GRIP1: variants seen among roughly 807,000 people sequenced by gnomAD.
GRIP1 encodes the protein glutamate receptor-interacting protein 1.
In GRIP1, 45 loss-of-function variants were observed where a neutral mutation model predicts 129.9. The ratio of observed to expected loss-of-function variants is 0.35; its 90% confidence interval spans 0.27 to 0.44. The LOEUF is 0.44. Ranked by LOEUF, GRIP1 falls within the 20% of genes least tolerant of loss-of-function variation. GRIP1 has a pLI of 1.00. For synonymous variants in GRIP1, 530 were observed against 520.8 expected (o/e 1.02, Z -0.24); for missense variants, 1,196 against 1,396.8 (o/e 0.86, Z 2.29).
intron 1 of GRIP1, among the ~76,000 whole-genome samples, chr12:66,859,793 A>T (rs2040079828): frequency 6.6e-6 from 1 of 152,058 alleles, no homozygotes; most frequent in African/African-American, 2.4e-5. Context: ...CAACATCCTG[A>T]TGAACACTAA....
intron 1 of GRIP1, among the ~76,000 whole-genome samples, chr12:66,657,312 G>A (rs771574065): frequency 6.6e-6 from 1 of 152,084 alleles, no homozygotes; most frequent in Admixed American, 6.5e-5. Context: ...CCCATTCGCC[G>A]CCACACCACT....
chr12:66,988,902 C>T (rs902072052), intron 1 of GRIP1, among the ~76,000 whole-genome samples: 2 of 152,156 alleles, frequency 1.3e-5, no homozygotes, highest in African/African-American at 4.8e-5. Context: ...ACATGCAAAA[C>T]TCTTTGAACC....
chr12:66,446,246 A>T (rs1037870220), intron 11 of GRIP1, among the ~76,000 whole-genome samples: 1 of 151,982 alleles, frequency 6.6e-6, no homozygotes, highest in African/African-American at 2.4e-5. Flanking sequence ...TCCAGCAGAC[A>T]TCTCCATCTT....
chr12:66,860,918 C>T (rs1592910105), intron 1 of GRIP1, among the ~76,000 whole-genome samples: 1 of 151,968 alleles, frequency 6.6e-6, no homozygotes, highest in South Asian at 2.1e-4. Context: ...CAACAGAAAG[C>T]AGTTTGTGGA....
At chr12:66,662,676 A>G (rs1377113358) in intron 1 of GRIP1, among the ~76,000 whole-genome samples, 1 of 152,266 alleles carries the variant, frequency 6.6e-6, no homozygotes, top group East Asian at 1.9e-4. Context: ...AAATGTTGAA[A>G]AAGATCTCAT....
chr12:66,392,153 A>G (rs1476471823), intron 19 of GRIP1, among the ~76,000 whole-genome samples, 155 bp downstream of exon 19: 1 of 152,214 alleles, frequency 6.6e-6, no homozygotes, highest in Non-Finnish European at 1.5e-5. Context: ...TGGCCAGCAG[A>G]GTGTAAGTAT....
At position 66,348,219 on chromosome 12, in the gene GRIP1, T is replaced by G. The variant is rs2054062889; in HGVS notation, c.*800A>C. The G allele has an allele frequency of 6.6e-6, 1 of 152,198 alleles. No individual in the cohort carries two copies. Among genetic ancestry groups the G allele is most frequent in the Non-Finnish European group, 1.5e-5 (1 of 68,040 alleles). 9.4% of individuals were successfully genotyped at this position (152,198 alleles called of 1,614,324 possible). A position where few individuals can be genotyped will look rare whatever the true frequency, so the allele number is the denominator to read the frequency against. Reference sequence around the variant, plus strand: ...TAAGATGAACCTCATTTTAATAGACTCTTCATTCTCTGAAGTTCTTAGTCT... The same window carrying G: ...TAAGATGAACCTCATTTTAATAGACGCTTCATTCTCTGAAGTTCTTAGTCT... On this transcript the variant is annotated 3_prime_UTR_variant, in exon 25 of 25. Transcript: ENST00000359742.
At chr12:66,592,597 A>C (rs1183346099) in intron 2 of GRIP1, among the ~76,000 whole-genome samples, 1 of 152,228 alleles carries the variant, frequency 6.6e-6, no homozygotes, top group East Asian at 1.9e-4. Flanking sequence ...AGAGTGACAT[A>C]AGCAAAAAAA....
chr12:66,492,144 C>T (rs1348048148), intron 7 of GRIP1, among the ~76,000 whole-genome samples: 1 of 151,348 alleles, frequency 6.6e-6, no homozygotes, highest in Non-Finnish European at 1.5e-5. Flanking sequence ...GCATCTTGTG[C>T]TACAGTTGGC....
chr12:66,779,509 G>A (rs1043957251), intron 1 of GRIP1, among the ~76,000 whole-genome samples: 4 of 152,186 alleles, frequency 2.6e-5, no homozygotes, highest in Admixed American at 6.5e-5. Context: ...AATGTCACAC[G>A]TTTATTGTAT....
intron 1 of GRIP1, among the ~76,000 whole-genome samples, chr12:66,902,909 T>A (rs530105858): frequency 6.6e-5 from 10 of 152,322 alleles, no homozygotes; most frequent in African/African-American, 2.4e-4. Context: ...GGAAGTGAGG[T>A]ACTAGGGAAA....
intron 1 of GRIP1, among the ~76,000 whole-genome samples, chr12:66,912,692 T>G (rs1008330868): frequency 1.3e-5 from 2 of 152,274 alleles, no homozygotes; most frequent in East Asian, 1.9e-4. Flanking sequence ...AACAATGTTA[T>G]GTATTACATA....
intron 1 of GRIP1, among the ~76,000 whole-genome samples, chr12:66,843,036 T>C (rs191096457): frequency 6.6e-6 from 1 of 152,156 alleles, no homozygotes; most frequent in East Asian, 1.9e-4. Flanking sequence ...TAAACTAAAA[T>C]TGTCAAGAAA....
rs571419017 is a variant in GRIP1, at chr12:66,767,791, T to C, written c.-420+36262A>G. Among the ~76,000 whole-genome samples the C allele has an allele frequency of 9.5e-4, 145 of 152,290 alleles. 3 individuals are homozygous for C. The highest frequency in any genetic ancestry group is 2.0e-3 in the Admixed American group (30 of 15,300). ...TGCCTCTCCTTAGCTTTGTCCACCA[T>C]GGACATAACATACATGTTTTGGTGC... On this transcript the variant is annotated intron_variant, in intron 1 of 4. Transcript: ENST00000538373.
intron 1 of GRIP1, among the ~76,000 whole-genome samples, chr12:66,944,284 T>G (rs1036854078): frequency 6.6e-6 from 1 of 152,218 alleles, no homozygotes; most frequent in Non-Finnish European, 1.5e-5. Context: ...GACTTGTGCA[T>G]GACTTGGTTT....
intron 7 of GRIP1, among the ~76,000 whole-genome samples, chr12:66,488,920 G>A (rs149575158): frequency 0.02 from 3,000 of 152,168 alleles, 53 homozygotes; most frequent in Non-Finnish European, 0.03. Context: ...GACTGAACCA[G>A]GAAGAAATTA....
intron 5 of GRIP1, among the ~76,000 whole-genome samples, chr12:66,519,861 T>C (rs1363009444): frequency 1.3e-5 from 2 of 152,246 alleles, no homozygotes; most frequent in African/African-American, 4.8e-5. Context: ...TTTCCTTGTC[T>C]AAAGTGTAAA....
rs531466340 is a variant in GRIP1, at chr12:66,554,636, C to A, written c.137-12686G>T. On this transcript the variant is annotated intron_variant, in intron 2 of 24. Coordinates refer to ENST00000359742, the MANE Select transcript of GRIP1 (RefSeq NM_001366722.1). Reference sequence around the variant, plus strand: ...TTGGCTCATGAATGGCATTTATGGACCTGCTTTGGGCTAGAGGGGGGCCCA... The same window carrying A: ...TTGGCTCATGAATGGCATTTATGGAACTGCTTTGGGCTAGAGGGGGGCCCA... 2.0e-5 allele frequency among the ~76,000 whole-genome samples: 3 copies of A among 152,250 alleles called. No homozygotes were observed. In the East Asian group the frequency reaches 5.8e-4, roughly 29 times the overall value.
chr12:66,505,200 T>C (rs530229210), intron 7 of GRIP1, among the ~76,000 whole-genome samples: 38 of 152,062 alleles, frequency 2.5e-4, no homozygotes, highest in Non-Finnish European at 5.0e-4. Flanking sequence ...CTCCAACTAG[T>C]AGTATGAGAA....
Sources: allele counts gnomAD v4.1 joint callset (sites outside exome capture counted in the v4.1 genomes callset), GRCh38; gene constraint gnomAD v4.1.1; transcripts MANE v1.5; gene names NCBI Gene and HGNC (gene_info 2026-07-23, HGNC 2026-07-21).